Variants in BANK1 observed in about 807,000 individuals in gnomAD.
BANK1 encodes B cell scaffold protein with ankyrin repeats 1, also known as B-cell scaffold protein with ankyrin repeats.
A neutral mutation model predicts 94.5 loss-of-function variants in BANK1; 95 were observed. The ratio of observed to expected loss-of-function variants is 1.00; its 90% CI spans 0.85 to 1.19. BANK1 has a LOEUF of 1.19. BANK1 is among the 50% of genes most tolerant of loss of function. The pLI is 0.00. For synonymous variants in BANK1, 334 were observed against 308.4 expected (o/e 1.08, Z -0.87); for missense variants, 987 against 932.2 (o/e 1.06, Z -0.77).
intron 7 of BANK1, among the ~76,000 whole-genome samples, chr4:101,974,786 A>G (rs1297840460): frequency 3.3e-5 from 2 of 60,420 alleles, no homozygotes; most frequent in African/African-American, 8.8e-5. Flanking sequence ...CATCTTTACT[A>G]AAAATACAAA....
At chr4:102,049,729 A>G (rs1337323546) in intron 11 of BANK1, among the ~76,000 whole-genome samples, 2 of 152,170 alleles carry the variant, frequency 1.3e-5, no homozygotes, top group South Asian at 2.1e-4. Context: ...TGCCAGTGAA[A>G]GGCAGTCTCT....
intron 9 of BANK1, among the ~76,000 whole-genome samples, chr4:102,026,626 C>G (rs947125657): frequency 1.3e-5 from 2 of 151,930 alleles, no homozygotes; most frequent in African/African-American, 4.8e-5. Context: ...GTCAGGAGTT[C>G]GAGACCAGTC....
chr4:102,017,249 A>G (rs564927816), intron 7 of BANK1, among the ~76,000 whole-genome samples: 1 of 152,202 alleles, frequency 6.6e-6, no homozygotes, highest in Non-Finnish European at 1.5e-5. Flanking sequence ...ATTCCATTTT[A>G]GTGACAGAGA....
intron 5 of BANK1, among the ~76,000 whole-genome samples, chr4:101,883,379 T>C (rs908468250): frequency 1.3e-5 from 2 of 152,226 alleles, no homozygotes; most frequent in Admixed American, 6.5e-5. Flanking sequence ...AACCTTAATA[T>C]TGATTCTCTA....
At chr4:102,073,849 C>T in intron 16 of BANK1, 101 bp downstream of exon 16, 1 of 861,034 alleles carries the variant, frequency 1.2e-6, no homozygotes, top group African/African-American at 1.7e-5. Context: ...TTAAAGATTT[C>T]ATTGTCTTCT....
intron 6 of BANK1, among the ~76,000 whole-genome samples, chr4:101,913,744 C>G (rs1368430624): frequency 6.6e-6 from 1 of 152,154 alleles, no homozygotes; most frequent in African/African-American, 2.4e-5. Context: ...CTCTCCAATT[C>G]CATTTGTTAA....
At chr4:101,918,327 T>A in intron 7 of BANK1, 138 bp downstream of exon 7, 1 of 464,928 alleles carries the variant, frequency 2.2e-6, no homozygotes, top group Non-Finnish European at 3.7e-6. Context: ...TGAAAACATA[T>A]CAATAATCGT....
At chr4:101,836,108 C>T (rs917803965) in intron 2 of BANK1, among the ~76,000 whole-genome samples, 4 of 152,132 alleles carry the variant, frequency 2.6e-5, no homozygotes, top group African/African-American at 9.6e-5. Context: ...ACTCTCGTTA[C>T]ATTCTATATT....
At chr4:101,907,764 GACAA>G (rs770512437) in intron 6 of BANK1, among the ~76,000 whole-genome samples, 1 of 152,124 alleles carries the variant, frequency 6.6e-6, no homozygotes, top group Non-Finnish European at 1.5e-5. Context: ...ACCAATAACA[GACAA>G]ACAGAGAGCA....
chr4:101,839,524 G>A (rs1255308274), intron 2 of BANK1, among the ~76,000 whole-genome samples: 2 of 152,120 alleles, frequency 1.3e-5, no homozygotes, highest in Non-Finnish European at 2.9e-5. Context: ...ATATGAGGAA[G>A]CTTACTCTTA....
At chr4:101,874,444 T>C (rs2148882656) in intron 5 of BANK1, among the ~76,000 whole-genome samples, 1 of 152,322 alleles carries the variant, frequency 6.6e-6, no homozygotes, top group South Asian at 2.1e-4. Context: ...CTTTCAGAAA[T>C]GCTTTTAGGT....
At chr4:101,888,796 A>G (rs1721728032) in intron 5 of BANK1, among the ~76,000 whole-genome samples, 1 of 152,216 alleles carries the variant, frequency 6.6e-6, no homozygotes. Flanking sequence ...AAACTGTTTG[A>G]ATCCGTTCAT....
intron 1 of BANK1, among the ~76,000 whole-genome samples, chr4:101,827,688 G>C (rs527786265): frequency 2.0e-4 from 31 of 151,612 alleles, no homozygotes; most frequent in African/African-American, 6.8e-4. Context: ...TTTTTGGCTG[G>C]ATTTTCCTCT....
At position 101,866,695 on chromosome 4, in the gene BANK1, GC is replaced by G. The variant is rs1728082908; in HGVS notation, c.764-3809del. 8.0e-5 allele frequency among the ~76,000 whole-genome samples: 4 copies of G among 49,876 alleles called. 2 individuals carry two copies. The highest frequency in any genetic ancestry group is 1.6e-4 in the Non-Finnish European group (4 of 25,394). 32.7% of individuals were successfully genotyped at this position (49,876 alleles called of 152,430 possible). A position where few individuals can be genotyped will look rare whatever the true frequency, so the allele number is the denominator to read the frequency against. The stretch of plus-strand genomic sequence containing the variant: ...TACCCAAAGGACTATAAATCATGCT[GC>G]TATAAAGACACATGCACACGTATGT... On this transcript the variant is annotated intron_variant, in intron 4 of 16. Coordinates refer to ENST00000322953, the MANE Select transcript of BANK1 (RefSeq NM_017935.5).
chr4:102,029,884 A>G, intron 9 of BANK1, 76 bp from the exon 10 acceptor site: 5 of 1,449,848 alleles, frequency 3.4e-6, no homozygotes, highest in Non-Finnish European at 4.6e-6. Flanking sequence ...TGGGAAGCTC[A>G]AAAAAGTGAC....
intron 6 of BANK1, among the ~76,000 whole-genome samples, chr4:101,904,167 C>T (rs563768268): frequency 2.0e-5 from 3 of 152,224 alleles, no homozygotes; most frequent in South Asian, 2.1e-4. Flanking sequence ...TCAGCTAAAA[C>T]GATAGTAAAG....
At position 101,916,219 on chromosome 4, in the gene BANK1, A is replaced by G. The variant is rs186862009; in HGVS notation, c.1010-1774A>G. On this transcript the variant is annotated intron_variant, in intron 6 of 16. Coordinates refer to ENST00000322953, the MANE Select transcript of BANK1 (RefSeq NM_017935.5). ...AAATTAGGAAACTGAGGTCCACAAG[A>G]TGAATTCTTAAGAACCACAGATTTA... is the stretch of plus-strand genomic sequence containing the variant. Among the ~76,000 whole-genome samples the G allele has an allele frequency of 2.8e-3, 431 of 152,136 alleles. 1 individual carries two copies. Among genetic ancestry groups the G allele is most frequent in the African/African-American group, 9.6e-3 (400 of 41,554 alleles).
intron 3 of BANK1, among the ~76,000 whole-genome samples, chr4:101,857,537 G>C (rs1727721233): frequency 6.6e-6 from 1 of 152,118 alleles, no homozygotes; most frequent in South Asian, 2.1e-4. Flanking sequence ...CGTTAATTAA[G>C]GCAGTGGGTG....
chr4:102,023,849 T>C (rs1490318311), intron 8 of BANK1, among the ~76,000 whole-genome samples: 1 of 152,220 alleles, frequency 6.6e-6, no homozygotes, highest in Non-Finnish European at 1.5e-5. Flanking sequence ...AAAGTTCCTT[T>C]GCTAGCCTGA....
Sources: gnomAD v4.1 joint callset for allele counts (sites outside exome capture counted in the v4.1 genomes callset) on GRCh38, gnomAD v4.1.1 for gene constraint, MANE v1.5 for transcripts, NCBI Gene and HGNC (gene_info 2026-07-23, HGNC 2026-07-21) for gene names.